LPP: variants seen among roughly 807,000 people sequenced by gnomAD.
LPP encodes lipoma-preferred partner.
Under a neutral mutation model 60.4 loss-of-function variants are expected in LPP, and 38 were observed. The observed-to-expected ratio is 0.63, with a 90% CI of 0.49 to 0.83. The LOEUF is 0.83. Among genes scored for constraint, LPP ranks in the 40% least tolerant of loss-of-function variants. The pLI is 0.00. For synonymous variants in LPP, 328 were observed against 290.8 expected (o/e 1.13, Z -1.30); for missense variants, 902 against 783.6 (o/e 1.15, Z -1.80).
At chr3:188,181,445 T>C (rs1412214049) in intron 1 of LPP, among the ~76,000 whole-genome samples, 1 of 152,120 alleles carries the variant, frequency 6.6e-6, no homozygotes, top group Non-Finnish European at 1.5e-5. Context: ...TGTATCTGTG[T>C]ATCTATCTTT....
At chr3:188,661,776 C>A (rs1268674376) in intron 7 of LPP, among the ~76,000 whole-genome samples, 1 of 152,172 alleles carries the variant, frequency 6.6e-6, no homozygotes, top group Non-Finnish European at 1.5e-5. Flanking sequence ...TTGACATGCA[C>A]CCTGCCTCAT....
chr3:188,379,308 G>C (rs1469958447), intron 3 of LPP, among the ~76,000 whole-genome samples: 1 of 152,162 alleles, frequency 6.6e-6, no homozygotes, highest in Non-Finnish European at 1.5e-5. Context: ...GGTGGAAGTA[G>C]TTTAACCCTG....
At chr3:188,658,122 A>ATTTAGTTTAGTTTAGTTTAGTTTAGT (rs66658012) in intron 7 of LPP, among the ~76,000 whole-genome samples, 382 of 4,202 alleles carry the variant, frequency 0.091, 4 homozygotes, top group African/African-American at 0.14. Context: ...TTCTGAAGTT[A>ATTTAGTTTAGTTTAGTTTAGTTTAGT]TTAGTTTAGT....
intron 1 of LPP, among the ~76,000 whole-genome samples, chr3:188,194,343 T>C (rs569606644): frequency 2.0e-5 from 3 of 152,314 alleles, no homozygotes; most frequent in Admixed American, 6.5e-5. Flanking sequence ...TGGATCCAAA[T>C]AGTTATTACC....
intron 9 of LPP, among the ~76,000 whole-genome samples, chr3:188,780,461 A>G (rs547545327): frequency 1.3e-5 from 2 of 152,204 alleles, no homozygotes; most frequent in East Asian, 3.9e-4. Flanking sequence ...CATAAGCACA[A>G]GTGGGAGAAA....
chr3:188,602,175 AT>A lies in LPP; in HGVS notation c.430-6984del, dbSNP rs1841440001. ...TATAATATATATATAATATATATAT[AT>A]TATATATATATATGACATTCTTAAT... On this transcript the variant is annotated intron_variant, in intron 6 of 11. Coordinates refer to ENST00000617246, the MANE Select transcript of LPP (RefSeq NM_001375462.1). 4.6e-4 allele frequency among the ~76,000 whole-genome samples: 45 copies of A among 97,922 alleles called. 3 individuals carry two copies. The highest frequency in any genetic ancestry group is 9.7e-4 in the Non-Finnish European group (36 of 37,132). 64.2% of individuals were successfully genotyped at this position (97,922 alleles called of 152,430 possible).
intron 6 of LPP, among the ~76,000 whole-genome samples, chr3:188,561,735 A>G (rs1475404420): frequency 1.3e-5 from 2 of 151,762 alleles, no homozygotes; most frequent in Non-Finnish European, 2.9e-5. Flanking sequence ...ATTTTTTTTA[A>G]TTTTGCAAGG....
At chr3:188,240,361 G>A (rs1577477652) in intron 2 of LPP, among the ~76,000 whole-genome samples, 1 of 146,890 alleles carries the variant, frequency 6.8e-6, no homozygotes, top group Non-Finnish European at 1.5e-5. Flanking sequence ...GTGTGTGTGT[G>A]TGTGTGTGTG....
At chr3:188,846,851 G>C (rs1761568390) in intron 9 of LPP, among the ~76,000 whole-genome samples, 1 of 152,142 alleles carries the variant, frequency 6.6e-6, no homozygotes, top group South Asian at 2.1e-4. Context: ...AGAAGGCATA[G>C]AGAGATCTGT....
At chr3:188,586,362 G>GA (rs1443789348) in intron 6 of LPP, among the ~76,000 whole-genome samples, 1 of 152,128 alleles carries the variant, frequency 6.6e-6, no homozygotes, top group Non-Finnish European at 1.5e-5. Context: ...TTTAGTGAGA[G>GA]AAAAAAGCCC....
In LPP at chr3:188,889,340, C is replaced by T. The variant is rs912487521; in HGVS notation, c.*14861C>T. 8.6e-6 allele frequency: 2 copies of T among 231,474 alleles called. No homozygotes were observed. The highest frequency in any genetic ancestry group is 6.1e-5 in the East Asian group (1 of 16,422). 14.3% of individuals were successfully genotyped at this position (231,474 alleles called of 1,614,324 possible). A position where few individuals can be genotyped will look rare whatever the true frequency, so the allele number is the denominator to read the frequency against. ...TAGGAGAGGGTCCATGTAAATAGGA[C>T]GAGGTAGACAGTGCATGATTGTAGG... On this transcript the variant is annotated 3_prime_UTR_variant, in exon 12 of 12. Coordinates refer to ENST00000617246, the MANE Select transcript of LPP (RefSeq NM_001375462.1).
At chr3:188,727,678 T>A (rs908136446) in intron 8 of LPP, among the ~76,000 whole-genome samples, 1 of 152,188 alleles carries the variant, frequency 6.6e-6, no homozygotes, top group Non-Finnish European at 1.5e-5. Flanking sequence ...AGCCACTTAT[T>A]GAGCATTGAC....
chr3:188,435,279 T>C (rs1192077646), intron 4 of LPP, among the ~76,000 whole-genome samples: 1 of 152,152 alleles, frequency 6.6e-6, no homozygotes, highest in Non-Finnish European at 1.5e-5. Flanking sequence ...CTCCTTTGAG[T>C]TCTGTTTTTT....
At chr3:188,526,397 C>A (rs1019527421) in intron 6 of LPP, among the ~76,000 whole-genome samples, 16 of 152,062 alleles carry the variant, frequency 1.1e-4, no homozygotes, top group African/African-American at 3.9e-4. Flanking sequence ...TGAGTTCAAG[C>A]AATTCTGCCT....
chr3:188,483,790 T>C (rs1560462463), intron 4 of LPP, among the ~76,000 whole-genome samples: 2 of 152,214 alleles, frequency 1.3e-5, no homozygotes, highest in Admixed American at 1.3e-4. Flanking sequence ...GTGTTTCTTA[T>C]TCATTTCTCC....
At chr3:188,414,471 A>T (rs1042776973) in intron 4 of LPP, among the ~76,000 whole-genome samples, 13 of 152,146 alleles carry the variant, frequency 8.5e-5, no homozygotes, top group Admixed American at 7.9e-4. Flanking sequence ...TGCGATACTT[A>T]GTCTGTAGTA....
rs1382373869 is a variant in LPP at position 188,887,915 on chromosome 3, TC to T, written c.*13440del. On this transcript the variant is annotated 3_prime_UTR_variant, in exon 12 of 12. Coordinates refer to ENST00000617246, the MANE Select transcript of LPP (RefSeq NM_001375462.1). Reference sequence around the variant, plus strand: ...CTTTATTAGGCAAAGTCAGAATATTTCCCCTCTGAAAATCTGAATTATGCCC... The same window carrying T: ...CTTTATTAGGCAAAGTCAGAATATTTCCCTCTGAAAATCTGAATTATGCCC... The T allele has an allele frequency of 4.7e-6, 1 of 210,680 alleles. No homozygotes were observed. Among genetic ancestry groups the T allele is most frequent in the Non-Finnish European group, 9.6e-6 (1 of 103,904 alleles). The allele number at this position is 210,680 out of a possible 1,614,324, so 13.1% of individuals were successfully genotyped here.
At chr3:188,856,857 AG>A (rs576248376) in intron 9 of LPP, among the ~76,000 whole-genome samples, 3 of 152,194 alleles carry the variant, frequency 2.0e-5, no homozygotes, top group Non-Finnish European at 4.4e-5. Context: ...CTTAGCCAGA[AG>A]GCCCCCATAT....
At chr3:188,276,571 G>T (rs1476610371) in intron 2 of LPP, among the ~76,000 whole-genome samples, 1 of 152,118 alleles carries the variant, frequency 6.6e-6, no homozygotes, top group African/African-American at 2.4e-5. Flanking sequence ...GGAGGTGTTG[G>T]GGCGGATCCC....
Sources: allele counts gnomAD v4.1 joint callset (sites outside exome capture counted in the v4.1 genomes callset), GRCh38; gene constraint gnomAD v4.1.1; transcripts MANE v1.5; gene names NCBI Gene and HGNC (gene_info 2026-07-23, HGNC 2026-07-21).